Variants in MYH9 observed in about 807,000 individuals in gnomAD.
MYH9 encodes the protein myosin heavy chain 9.
In MYH9, 29 loss-of-function variants were observed where a neutral mutation model predicts 241.9. The observed-to-expected ratio is 0.12, with a 90% CI of 0.09 to 0.16. MYH9 has a LOEUF of 0.16. MYH9 is among the 10% of genes least tolerant of loss of function. The pLI is 1.00. For missense variants in MYH9, 1,803 were observed against 2,595.5 expected (o/e 0.69, Z 6.63); for synonymous variants, 1,047 against 1,062.6 (o/e 0.99, Z 0.29).
chr22:36,282,589 A>G lies in MYH9; in HGVS notation c.*79T>C. The stretch of plus-strand genomic sequence containing the variant: ...TCACAGCAGTCCCAAGAAGGTGGGG[A>G]GAGGCGTGCTGCGGGGTCTGGGAAG... On this transcript the variant is annotated 3_prime_UTR_variant, in exon 41 of 41. Coordinates refer to ENST00000216181, the MANE Select transcript of MYH9 (RefSeq NM_002473.6). 1 of 1,284,376 alleles carries G rather than the reference A, an allele frequency of 7.8e-7. No homozygotes were observed. The highest frequency in any genetic ancestry group is 1.1e-6 in the Non-Finnish European group (1 of 885,954). 79.6% of individuals were successfully genotyped at this position (1,284,376 alleles called of 1,614,324 possible). A position where few individuals can be genotyped will look rare whatever the true frequency, so the allele number is the denominator to read the frequency against.
At position 36,294,262 on chromosome 22, in the gene MYH9, C is replaced by T. The variant is rs773790950; in HGVS notation, c.3667G>A (p.Glu1223Lys). The change falls in exon 28 of 41, where the codon GAG (glutamate) becomes AAG (lysine). Residue 1223 changes from glutamate to lysine, a missense_variant. Glu to Lys is a moderately conservative substitution (Grantham distance 56). This residue lies in a region of MYH9 where 876 missense variants were observed against 1,077.8 expected (regional missense o/e 0.81). Coordinates refer to ENST00000216181, the MANE Select transcript of MYH9 (RefSeq NM_002473.6). The stretch of plus-strand genomic sequence containing the variant: ...TTGGCCAGCTCCCCCCGCTCGTTCT[C>T]CAGAGTCTGCTTTGCCTTCTCGAGG... ...ANLEKAKQTL[E>K]NERGELANEV... The T allele has an allele frequency of 6.2e-7, 1 of 1,614,116 alleles. No individual in the cohort carries two copies. The highest frequency in any genetic ancestry group is 8.5e-7 in the Non-Finnish European group (1 of 1,180,046).
In MYH9 at chr22:36,295,258, C is replaced by T. The variant is rs2016770481; in HGVS notation, c.3486-182G>A. On this transcript the variant is annotated intron_variant, in intron 26 of 40. Transcript: ENST00000216181. The surrounding 1 kb of genome is among the most constrained non-coding windows in gnomAD (Gnocchi z 4.1). ...CAGGCTCAAATACGCCCTGTGAGAG[C>T]TTCTGTAGCCTTTCAGCTTTAAAGC... is the stretch of plus-strand genomic sequence containing the variant. Among the ~76,000 whole-genome samples, 1 of 152,214 alleles carries T rather than the reference C, an allele frequency of 6.6e-6. No individual in the cohort carries two copies. The highest frequency in any genetic ancestry group is 1.5e-5 in the Non-Finnish European group (1 of 68,034).
intron 2 of MYH9, 73 bp downstream of exon 2, chr22:36,348,830 TG>T: frequency 9.0e-7 from 1 of 1,117,212 alleles, no homozygotes; most frequent in Non-Finnish European, 1.3e-6. Context: ...GTGAGGGTGA[TG>T]GGAAGACCCG....
At chr22:36,382,176 T>C (rs2018266998) in intron 1 of MYH9, among the ~76,000 whole-genome samples, 1 of 151,494 alleles carries the variant, frequency 6.6e-6, no homozygotes, top group South Asian at 2.1e-4. Context: ...CTCCCATCAA[T>C]AAGGTACCAG....
Position 36,354,818 on chromosome 22 carries a change from A to G in MYH9, c.-19-5563T>C, listed in dbSNP as rs188743737. On this transcript the variant is annotated intron_variant, in intron 1 of 40. Coordinates refer to ENST00000216181, the MANE Select transcript of MYH9 (RefSeq NM_002473.6). Reference sequence around the variant, plus strand: ...GAAAAGAACATACAAACACTTCTACAGTCCTGGGATGTCCCATCCAATTGT... The same window carrying G: ...GAAAAGAACATACAAACACTTCTACGGTCCTGGGATGTCCCATCCAATTGT... Among the ~76,000 whole-genome samples, 456 of 152,246 alleles carry G rather than the reference A, an allele frequency of 3.0e-3. 1 individual carries two copies. The highest frequency in any genetic ancestry group is 6.5e-3 in the Admixed American group (99 of 15,294).
rs777612180 is a variant in MYH9 at position 36,288,765 on chromosome 22, C to T, written c.4732G>A (p.Glu1578Lys). ...TGCTTCTTCTTCTCCTCGCTCTGCTCGTCCCGGCCCTGCAGGTCCCGCTCG... is the reference window on the plus strand; with the variant it reads ...TGCTTCTTCTTCTCCTCGCTCTGCTTGTCCCGGCCCTGCAGGTCCCGCTCG... The part of the protein sequence containing the change: ...QFERDLQGRD[E>K]QSEEKKKQLV... The change falls in exon 33 of 41, where the codon GAG (glutamate) becomes AAG (lysine). Residue 1578 changes from glutamate (E) to lysine (K), a missense_variant. This residue lies in a region of MYH9 where 876 missense variants were observed against 1,077.8 expected (regional missense o/e 0.81). Transcript: ENST00000216181. The surrounding 1 kb of genome is among the most constrained non-coding windows in gnomAD (Gnocchi z 4.8). 6.2e-7 allele frequency: 1 copy of T among 1,609,064 alleles called. No homozygotes were observed. Among genetic ancestry groups the T allele is most frequent in the South Asian group, 1.1e-5 (1 of 91,090 alleles).
chr22:36,326,108 T>C (rs1447590776), intron 5 of MYH9, among the ~76,000 whole-genome samples: 1 of 152,194 alleles, frequency 6.6e-6, no homozygotes, highest in Non-Finnish European at 1.5e-5. Flanking sequence ...CCAATTGCCC[T>C]TTCTGTCTTC....
chr22:36,322,689 C>T (rs906013968), intron 5 of MYH9, among the ~76,000 whole-genome samples, 168 bp from the exon 6 acceptor site: 2 of 152,244 alleles, frequency 1.3e-5, no homozygotes, highest in Non-Finnish European at 2.9e-5. Context: ...GGCCAGGCCC[C>T]GGTATCATCC....
intron 1 of MYH9, among the ~76,000 whole-genome samples, chr22:36,383,336 T>C (rs760945760): frequency 1.1e-4 from 16 of 152,118 alleles, no homozygotes; most frequent in Non-Finnish European, 2.1e-4. Context: ...CCTTTGGCTA[T>C]CTCCCAGACC....
intron 1 of MYH9, chr22:36,364,727 G>A (rs1381098792): frequency 6.6e-6 from 1 of 152,210 alleles, no homozygotes; most frequent in Non-Finnish European, 1.5e-5. Context: ...AGTGGACTCT[G>A]ATCATGGGCT....
chr22:36,385,904 A>T (rs1382659274), intron 1 of MYH9, among the ~76,000 whole-genome samples: 1 of 152,156 alleles, frequency 6.6e-6, no homozygotes, highest in African/African-American at 2.4e-5. Context: ...CAGTTTGCCA[A>T]ACCTGCAATG....
chr22:36,286,693 C>T (rs774446892), intron 35 of MYH9, 25 bp downstream of exon 35: 21 of 1,609,890 alleles, frequency 1.3e-5, no homozygotes, highest in South Asian at 4.4e-5. Context: ...GCAGCGGTGC[C>T]GCTCTCCATT....
At chr22:36,355,717 C>A (rs2017844708) in intron 1 of MYH9, among the ~76,000 whole-genome samples, 1 of 152,172 alleles carries the variant, frequency 6.6e-6, no homozygotes, top group African/African-American at 2.4e-5. Flanking sequence ...GGAAATGGGG[C>A]TCAGACAAGG....
chr22:36,293,344 G>T lies in MYH9; in HGVS notation c.4080C>A (p.Ala1360=). ...EAKHNLEKQI[A]TLHAQVADMK... ...GCCTCCAAACCTGGGCATGGAGGGT[G>T]GCGATCTGCTTCTCCAGGTTGTGCT... The change falls in exon 30 of 41, where the codon GCC becomes GCA. Residue 1360 remains alanine (A), a synonymous_variant. Coordinates refer to ENST00000216181, the MANE Select transcript of MYH9 (RefSeq NM_002473.6). The surrounding 1 kb of genome is among the most constrained non-coding windows in gnomAD (Gnocchi z 5.1). 2 of 1,614,042 alleles carry T rather than the reference G, an allele frequency of 1.2e-6. No homozygotes were observed. The highest frequency in any genetic ancestry group is 1.7e-6 in the Non-Finnish European group (2 of 1,180,026).
At chr22:36,319,495 C>G in intron 10 of MYH9, 45 bp downstream of exon 10, 1 of 1,584,632 alleles carries the variant, frequency 6.3e-7, no homozygotes. Context: ...AATCCATGGC[C>G]AAGCACCTGC....
chr22:36,319,446 T>C (rs2017213769), intron 10 of MYH9, 94 bp downstream of exon 10: 10 of 1,134,930 alleles, frequency 8.8e-6, no homozygotes, highest in Middle Eastern at 1.9e-4. Context: ...TTAAAAAGAA[T>C]AGTGTCCGGA....
At chr22:36,315,673 G>C (rs571711365) in intron 12 of MYH9, among the ~76,000 whole-genome samples, 1 of 151,864 alleles carries the variant, frequency 6.6e-6, no homozygotes, top group African/African-American at 2.4e-5. Flanking sequence ...GCTTATGCCC[G>C]GGAGGTCGAA....
At chr22:36,309,436 G>T in intron 14 of MYH9, 40 bp from the exon 15 acceptor site, 1 of 1,488,820 alleles carries the variant, frequency 6.7e-7, no homozygotes, top group Non-Finnish European at 9.4e-7. Context: ...AGCTGCGCTG[G>T]GGACATGTGT....
chr22:36,336,440 A>G (rs143165747), intron 3 of MYH9, among the ~76,000 whole-genome samples: 50 of 152,330 alleles, frequency 3.3e-4, no homozygotes, highest in African/African-American at 1.2e-3. Flanking sequence ...GCCCCGGGAC[A>G]CAGTCCCACC....
Sources: allele counts gnomAD v4.1 joint callset (sites outside exome capture counted in the v4.1 genomes callset), GRCh38; gene constraint gnomAD v4.1.1; regional missense constraint gnomAD v4.1.1; non-coding constraint Gnocchi (gnomAD v3.1); transcripts MANE v1.5; gene names NCBI Gene and HGNC (gene_info 2026-07-23, HGNC 2026-07-21).